SLC6A19: variants seen among roughly 807,000 people sequenced by gnomAD.
SLC6A19 encodes sodium-dependent neutral amino acid transporter B(0)AT1.
In SLC6A19, 67 loss-of-function variants were observed where a neutral mutation model predicts 68.3. The ratio of observed to expected loss-of-function variants is 0.98; its 90% confidence interval spans 0.81 to 1.20. SLC6A19 has a LOEUF of 1.20. Ranked by LOEUF, SLC6A19 falls within the 50% of genes most tolerant of loss-of-function variation. The probability of loss-of-function intolerance (pLI) is 0.00; values close to 1 mark genes in which losing one functional copy is unlikely to be tolerated. For missense variants in SLC6A19, 813 were observed against 851.6 expected, an observed-to-expected ratio of 0.95 and a Z score of 0.56; for synonymous variants, 392 against 374.9, an observed-to-expected ratio of 1.05 and a Z score of -0.53.
At chr5:1,211,122 C>T (rs1437706565) in intron 3 of SLC6A19, among the ~76,000 whole-genome samples, 1 of 152,214 alleles carries the variant, frequency 6.6e-6, no homozygotes, top group East Asian at 1.9e-4. Context: ...TGGTCACCAC[C>T]GGCTTCTGGT....
intron 10 of SLC6A19, among the ~76,000 whole-genome samples, 187 bp downstream of exon 10, chr5:1,219,851 G>A (rs1190422234): frequency 6.6e-6 from 1 of 152,202 alleles, no homozygotes; most frequent in African/African-American, 2.4e-5. Flanking sequence ...CAGGGCCCTG[G>A]CATGCCGATA....
rs573077417 is a variant in SLC6A19, at chr5:1,201,909, C to T, written c.202+57C>T. ...CCGTGGCCAGGGAAGCACAGACACA[C>T]GCAGAGGCCCTGGGCAGACATCCTC... is the stretch of plus-strand genomic sequence containing the variant. On this transcript the variant is annotated intron_variant, in intron 1 of 11. Transcript: ENST00000304460. 60 of 1,561,862 alleles carry T rather than the reference C, an allele frequency of 3.8e-5. 1 individual carries two copies. The highest frequency in any genetic ancestry group is 3.3e-4 in the South Asian group (29 of 86,806).
At chr5:1,221,352 T>A (rs375173346) in intron 11 of SLC6A19, 39 bp downstream of exon 11, 12 of 1,607,794 alleles carry the variant, frequency 7.5e-6, no homozygotes, top group African/African-American at 1.3e-5. Context: ...GGGAGAGGAA[T>A]GGGGAAGGGG....
chr5:1,206,643 G>C (rs1745859651), intron 1 of SLC6A19, among the ~76,000 whole-genome samples: 1 of 152,038 alleles, frequency 6.6e-6, no homozygotes, highest in South Asian at 2.1e-4. Context: ...TGCCCAGCCT[G>C]GGGGGCGGGA....
chr5:1,219,805 G>T, intron 10 of SLC6A19, 141 bp downstream of exon 10: 1 of 1,108,718 alleles, frequency 9.0e-7, no homozygotes, highest in Non-Finnish European at 1.3e-6. Flanking sequence ...ACAGAGGCTG[G>T]TGTAGACCTG....
At chr5:1,221,395 T>C in intron 11 of SLC6A19, 82 bp downstream of exon 11, 1 of 1,538,504 alleles carries the variant, frequency 6.5e-7, no homozygotes, top group South Asian at 1.1e-5. Flanking sequence ...ACATGGCGCA[T>C]GCACACACAA....
chr5:1,205,278 C>A (rs1240662861), intron 1 of SLC6A19, among the ~76,000 whole-genome samples: 2 of 152,242 alleles, frequency 1.3e-5, no homozygotes, highest in Non-Finnish European at 2.9e-5. Flanking sequence ...GAAGTCGCTG[C>A]GTTTAAAAGA....
Position 1,216,844 on chromosome 5 carries a change from G to A in SLC6A19, c.1072G>A (p.Glu358Lys). 6.2e-7 allele frequency: 1 copy of A among 1,613,832 alleles called. No individual in the cohort carries two copies. The highest frequency in any genetic ancestry group is 8.5e-7 in the Non-Finnish European group (1 of 1,180,046). ...FDLPEGNVTQ[E>K]NFVDMQQRCN... is the part of the protein sequence containing the mutation. ...CCTGCCTGAAGGCAACGTGACCCAG[G>A]AGAACTTTGTGGACATGCAGCAGCG... is the stretch of plus-strand genomic sequence containing the variant. The change falls in exon 8 of 12, where the codon GAG (glutamate) becomes AAG (lysine). Residue 358 changes from glutamate (E) to lysine (K), a missense_variant. Transcript: ENST00000304460.
chr5:1,213,960 A>G lies in SLC6A19; in HGVS notation c.782A>G (p.Glu261Gly). ...GGTCTCCATGTGGCGCAGGTCACGG[A>G]GCTGGCCCAGCCGGACACCTGGCTG... ...IVFLFTPNVT[E>G]LAQPDTWLDA... The change falls in exon 6 of 12, where the codon GAG becomes GGG. Residue 261 changes from glutamate (E) to glycine (G), a missense_variant. Physicochemically the swap from Glu to Gly is moderately conservative, Grantham distance 98. Coordinates refer to ENST00000304460, the MANE Select transcript of SLC6A19 (RefSeq NM_001003841.3). The G allele has an allele frequency of 6.2e-7, 1 of 1,613,116 alleles. No homozygotes were observed. Among genetic ancestry groups the G allele is most frequent in the Non-Finnish European group, 8.5e-7 (1 of 1,179,976 alleles).
Position 1,214,184 on chromosome 5 carries a change from G to A in SLC6A19, c.887+119G>A, listed in dbSNP as rs1030684397. 2.7e-5 allele frequency: 42 copies of A among 1,536,034 alleles called. No individual in the cohort carries two copies. The East Asian group carries it at 4.8e-4, about 18-fold the overall frequency. On this transcript the variant is annotated intron_variant, in intron 6 of 11. Transcript: ENST00000304460. The surrounding 1 kb of genome is among the most constrained non-coding windows in gnomAD (Gnocchi z 7.4). ...TGTGTGGCCGGGGCCTTGCTGCCCC[G>A]ATGGGCCCGTTCCCTCCTGCTCGGG...
At position 1,216,852 on chromosome 5, in the gene SLC6A19, T is replaced by A; in HGVS notation, c.1080T>A (p.Phe360Leu). Residue 360 changes from phenylalanine to leucine, a missense_variant, in exon 8 of 12, where the codon TTT becomes TTA. Coordinates refer to ENST00000304460, the MANE Select transcript of SLC6A19 (RefSeq NM_001003841.3). Reference protein sequence around the residue: ...LPEGNVTQENFVDMQQRCNAS... With the variant: ...LPEGNVTQENLVDMQQRCNAS... Reference sequence around the variant, plus strand: ...AAGGCAACGTGACCCAGGAGAACTTTGTGGACATGCAGCAGCGGTGCAACG... The same window carrying A: ...AAGGCAACGTGACCCAGGAGAACTTAGTGGACATGCAGCAGCGGTGCAACG... The A allele has an allele frequency of 1.2e-6, 2 of 1,613,798 alleles. No individual in the cohort carries two copies. The highest frequency in any genetic ancestry group is 1.3e-5 in the African/African-American group (1 of 75,068).
Position 1,214,500 on chromosome 5 carries a change from A to G in SLC6A19, c.887+435A>G, listed in dbSNP as rs897656488. On this transcript the variant is annotated intron_variant, in intron 6 of 11. Coordinates refer to ENST00000304460, the MANE Select transcript of SLC6A19 (RefSeq NM_001003841.3). The surrounding 1 kb of genome is among the most constrained non-coding windows in gnomAD (Gnocchi z 7.4). ...CCCCACGTACCCACTGCGCTTCCCA[A>G]TGCCCCTGGGAAGGATGCATACCCT... Among the ~76,000 whole-genome samples, 5 of 152,072 alleles carry G rather than the reference A, an allele frequency of 3.3e-5. No homozygotes were observed. The highest frequency in any genetic ancestry group is 1.9e-4 in the East Asian group (1 of 5,190).
intron 10 of SLC6A19, among the ~76,000 whole-genome samples, 179 bp from the exon 11 acceptor site, chr5:1,220,972 C>A (rs1041827250): frequency 3.9e-5 from 6 of 152,130 alleles, no homozygotes; most frequent in African/African-American, 1.4e-4. Context: ...GCTGGCCGTG[C>A]CCACAGAGGG....
chr5:1,202,918 G>T (rs1745755901), intron 1 of SLC6A19, among the ~76,000 whole-genome samples: 1 of 152,190 alleles, frequency 6.6e-6, no homozygotes, highest in Non-Finnish European at 1.5e-5. Flanking sequence ...GGTCCAGCCT[G>T]CACTTTCCAC....
Position 1,215,359 on chromosome 5 carries a change from G to A in SLC6A19, c.888-1199G>A, listed in dbSNP as rs11133684. 0.14 allele frequency among the ~76,000 whole-genome samples: 21,670 copies of A among 152,266 alleles called. 2,062 individuals are homozygous for A. The highest frequency in any genetic ancestry group is 0.21 in the Non-Finnish European group (14,459 of 68,000). On this transcript the variant is annotated intron_variant, in intron 6 of 11. Coordinates refer to ENST00000304460, the MANE Select transcript of SLC6A19 (RefSeq NM_001003841.3). This position sits in a 1 kb window ranked among gnomAD's most constrained non-coding sequence, Gnocchi z 5.1. ...CAGCCATCAGCACTGTCCAGTTCTA[G>A]AAGGTTCCAATCAGCAAAAGCTCCA...
chr5:1,212,396 C>G lies in SLC6A19; in HGVS notation c.575C>G (p.Ser192Cys). ...TCCACGTCCATCAGCGACTCGGGCT[C>G]CATCCAGTGGTGGATGCTGCTGTGC... ...NISTSISDSG[S>C]IQWWMLLCLA... Residue 192 changes from serine to cysteine, a missense_variant, in exon 4 of 12, where the codon TCC becomes TGC. By Grantham distance (112) the Ser-to-Cys change is moderately radical. Transcript: ENST00000304460. This position sits in a 1 kb window ranked among gnomAD's most constrained non-coding sequence, Gnocchi z 5.1. 6.2e-7 allele frequency: 1 copy of G among 1,613,252 alleles called. No homozygotes were observed. Among genetic ancestry groups the G allele is most frequent in the African/African-American group, 1.3e-5 (1 of 75,016 alleles).
In SLC6A19 at chr5:1,216,538, G is replaced by A; in HGVS notation, c.888-20G>A. ...CTGGGACCTCATCGCCAGCCGCCAT[G>A]ACACTGGTCTCGTCTGCAGCAACAA... is the stretch of plus-strand genomic sequence containing the variant. On this transcript the variant is annotated intron_variant, in intron 6 of 11. Transcript: ENST00000304460. 1 of 1,613,938 alleles carries A rather than the reference G, an allele frequency of 6.2e-7. No homozygotes were observed. Among genetic ancestry groups the A allele is most frequent in the South Asian group, 1.1e-5 (1 of 91,050 alleles).
chr5:1,219,190 C>G (rs1361150361), intron 9 of SLC6A19, 83 bp downstream of exon 9: 4 of 1,336,770 alleles, frequency 3.0e-6, no homozygotes, highest in Non-Finnish European at 4.1e-6. Flanking sequence ...ACAGCTCTGT[C>G]CCCGGCCGTG....
At chr5:1,210,421 C>G in intron 2 of SLC6A19, 23 bp from the exon 3 acceptor site, 2 of 1,612,010 alleles carry the variant, frequency 1.2e-6, no homozygotes, top group Non-Finnish European at 1.7e-6. Flanking sequence ...CGGCCCCAAG[C>G]CTCAGCAGCA....
Sources: gnomAD v4.1 joint callset for allele counts (sites outside exome capture counted in the v4.1 genomes callset) on GRCh38, gnomAD v4.1.1 for gene constraint, Gnocchi (gnomAD v3.1) non-coding constraint, MANE v1.5 for transcripts, NCBI Gene and HGNC (gene_info 2026-07-23, HGNC 2026-07-21) for gene names.